Variants in PTH2R observed in about 807,000 individuals in gnomAD.
PTH2R encodes the protein parathyroid hormone 2 receptor, also known as PTH2 receptor.
Under a neutral mutation model 60.3 loss-of-function variants are expected in PTH2R, and 59 were observed. That is an observed-to-expected ratio of 0.98 (90% CI 0.79 to 1.22). The LOEUF is 1.22. PTH2R is among the 50% of genes most tolerant of loss of function. The pLI, the probability that PTH2R is intolerant of heterozygous loss-of-function variation, is 0.00. For synonymous variants in PTH2R, 256 were observed against 243.8 expected (o/e 1.05, Z -0.47); for missense variants, 749 against 682.6 (o/e 1.10, Z -1.08).
chr2:208,442,440 T>G lies in PTH2R; in HGVS notation c.488T>G (p.Ile163Ser), dbSNP rs1209962039. 1.2e-6 allele frequency: 2 copies of G among 1,610,370 alleles called. No homozygotes were observed. Among genetic ancestry groups the G allele is most frequent in the African/African-American group, 1.3e-5 (1 of 74,940 alleles). Residue 163 changes from isoleucine to serine, a missense_variant, in exon 5 of 13, where the codon ATT becomes AGT. By Grantham distance (142) the Ile-to-Ser change is moderately radical (BLOSUM62 -2). Transcript: ENST00000272847. ...SISFGSLAVA[I>S]LIIGYFRRLH... ...TCTTTTGGTTCCTTGGCTGTGGCTA[T>G]TCTCATCATTGGTTACTTCAGGTGA...
intron 1 of PTH2R, among the ~76,000 whole-genome samples, chr2:208,414,850 CTG>C (rs1701607805): frequency 6.6e-6 from 1 of 152,052 alleles, no homozygotes; most frequent in Admixed American, 6.6e-5. Context: ...CACTTTACCT[CTG>C]TGGTCTTCCC....
chr2:208,439,902 G>A (rs968046371), intron 4 of PTH2R, among the ~76,000 whole-genome samples: 1 of 152,078 alleles, frequency 6.6e-6, no homozygotes, highest in African/African-American at 2.4e-5. Context: ...TAGAATGGGG[G>A]AACTGAATGG....
At chr2:208,474,418 ACT>A (rs1374910097) in intron 9 of PTH2R, among the ~76,000 whole-genome samples, 1 of 152,178 alleles carries the variant, frequency 6.6e-6, no homozygotes, top group Non-Finnish European at 1.5e-5. Flanking sequence ...ACAACACCAA[ACT>A]CTGTCTGGAG....
intron 8 of PTH2R, among the ~76,000 whole-genome samples, chr2:208,458,609 C>T (rs529273713): frequency 3.3e-5 from 5 of 152,098 alleles, no homozygotes; most frequent in Non-Finnish European, 7.4e-5. Flanking sequence ...TACCTTCCCC[C>T]CTCAAGTACA....
chr2:208,447,348 G>C (rs1482677555), intron 7 of PTH2R, among the ~76,000 whole-genome samples: 1 of 151,906 alleles, frequency 6.6e-6, no homozygotes, highest in Non-Finnish European at 1.5e-5. Context: ...CAGGACTTTG[G>C]GAGGCCGAGG....
intron 2 of PTH2R, among the ~76,000 whole-genome samples, chr2:208,428,749 T>C (rs1701909529): frequency 6.6e-6 from 1 of 152,238 alleles, no homozygotes; most frequent in Non-Finnish European, 1.5e-5. Context: ...CTCAATTGTT[T>C]ATGATCAGAG....
At chr2:208,456,679 A>C (rs1702520660) in intron 8 of PTH2R, among the ~76,000 whole-genome samples, 1 of 152,206 alleles carries the variant, frequency 6.6e-6, no homozygotes, top group Admixed American at 6.5e-5. Context: ...AGGAAGTTCC[A>C]CTTTCTAGTC....
At chr2:208,476,106 T>C (rs1332248307) in intron 9 of PTH2R, among the ~76,000 whole-genome samples, 1 of 152,162 alleles carries the variant, frequency 6.6e-6, no homozygotes, top group Non-Finnish European at 1.5e-5. Context: ...GGAAATATTT[T>C]AGGTGATAAG....
chr2:208,372,046 C>T (rs564993454), intron 1 of PTH2R, among the ~76,000 whole-genome samples: 12 of 152,054 alleles, frequency 7.9e-5, no homozygotes, highest in East Asian at 1.9e-4. Context: ...CTCAGCCTCC[C>T]GAACAGCTGG....
At chr2:208,455,677 T>C (rs1351538975) in intron 8 of PTH2R, among the ~76,000 whole-genome samples, 1 of 152,218 alleles carries the variant, frequency 6.6e-6, no homozygotes, top group Non-Finnish European at 1.5e-5. Context: ...TTGTGGGTTT[T>C]CTTGGGTGTT....
Position 208,459,868 on chromosome 2 carries a change from C to A in PTH2R, c.915-27C>A, listed in dbSNP as rs750731819. On this transcript the variant is annotated intron_variant, in intron 8 of 12. Transcript: ENST00000272847. The stretch of plus-strand genomic sequence containing the variant: ...TACCCATTTGCTTTGCCAATTTATT[C>A]ATGACAGCTTTTTTTCAATGTCTCA... 5.0e-6 allele frequency: 8 copies of A among 1,608,450 alleles called. No individual in the cohort carries two copies. The African/African-American group carries it at 5.4e-5, about 11-fold the overall frequency.
chr2:208,440,523 T>C (rs999191511), intron 4 of PTH2R, among the ~76,000 whole-genome samples: 4 of 152,192 alleles, frequency 2.6e-5, no homozygotes, highest in Non-Finnish European at 5.9e-5. Context: ...TTGGCTTAGA[T>C]GCAAAATTAA....
chr2:208,466,592 G>A (rs1179720265), intron 9 of PTH2R: 4 of 152,104 alleles, frequency 2.6e-5, no homozygotes, highest in Non-Finnish European at 5.9e-5. Context: ...TTGCTTTGAG[G>A]GCAATCTGCA....
At chr2:208,491,391 T>C (rs1187831819) in intron 12 of PTH2R, among the ~76,000 whole-genome samples, 1 of 152,280 alleles carries the variant, frequency 6.6e-6, no homozygotes. Flanking sequence ...GAGGGGTAAG[T>C]AGGTCAGTTT....
intron 8 of PTH2R, among the ~76,000 whole-genome samples, chr2:208,454,351 A>C (rs1157720543): frequency 6.6e-6 from 1 of 152,186 alleles, no homozygotes; most frequent in Non-Finnish European, 1.5e-5. Context: ...GATAGGGTCT[A>C]TAAGGACCTA....
intron 9 of PTH2R, among the ~76,000 whole-genome samples, chr2:208,461,335 G>T (rs1702630924): frequency 6.6e-6 from 1 of 152,018 alleles, no homozygotes; most frequent in African/African-American, 2.4e-5. Flanking sequence ...AGACATCAGT[G>T]AACTTAAAGA....
chr2:208,470,280 C>T (rs1459536970), intron 9 of PTH2R, among the ~76,000 whole-genome samples: 2 of 152,150 alleles, frequency 1.3e-5, no homozygotes, highest in Non-Finnish European at 2.9e-5. Flanking sequence ...TGTTACTCTC[C>T]CCATTCACCC....
At chr2:208,423,923 T>C (rs927267902) in intron 1 of PTH2R, among the ~76,000 whole-genome samples, 8 of 152,178 alleles carry the variant, frequency 5.3e-5, no homozygotes, top group Admixed American at 5.2e-4. Context: ...ATTATCACCT[T>C]ATTACTGCTC....
At chr2:208,380,434 A>C (rs1700889993) in intron 1 of PTH2R, among the ~76,000 whole-genome samples, 1 of 152,126 alleles carries the variant, frequency 6.6e-6, no homozygotes, top group Admixed American at 6.5e-5. Context: ...TTTTATCCTC[A>C]TAATTGAGAG....
Sources: gnomAD v4.1 joint callset for allele counts (sites outside exome capture counted in the v4.1 genomes callset) on GRCh38, gnomAD v4.1.1 for gene constraint, MANE v1.5 for transcripts, NCBI Gene and HGNC (gene_info 2026-07-23, HGNC 2026-07-21) for gene names.